Variants in CNBD1 observed in about 807,000 individuals in gnomAD.
The protein encoded by CNBD1 is cyclic nucleotide-binding domain-containing protein 1.
A neutral mutation model predicts 54.4 loss-of-function variants in CNBD1; 71 were observed. The ratio of observed to expected loss-of-function variants is 1.30; its 90% CI spans 1.08 to 1.59. The LOEUF (loss-of-function observed/expected upper bound fraction) is 1.59. CNBD1 is among the 40% of genes most tolerant of loss of function. The pLI is 0.00. For missense variants in CNBD1, 659 were observed against 518.0 expected (o/e 1.27, Z -2.64); for synonymous variants, 182 against 170.7 (o/e 1.07, Z -0.51).
chr8:87,160,863 T>C (rs75328667), intron 4 of CNBD1, among the ~76,000 whole-genome samples: 2 of 152,094 alleles, frequency 1.3e-5, no homozygotes, highest in African/African-American at 2.4e-5. Flanking sequence ...TCTTTGATGA[T>C]TGGCTATGTA....
chr8:87,107,322 G>A (rs965728724), intron 4 of CNBD1, among the ~76,000 whole-genome samples: 2 of 152,082 alleles, frequency 1.3e-5, no homozygotes, highest in Non-Finnish European at 2.9e-5. Context: ...CACTTGCTCC[G>A]TAGGTTCTAG....
At chr8:87,117,181 G>A (rs1298336492) in intron 4 of CNBD1, among the ~76,000 whole-genome samples, 1 of 151,976 alleles carries the variant, frequency 6.6e-6, no homozygotes, top group African/African-American at 2.4e-5. Flanking sequence ...GGTGGATCAC[G>A]AAGTCAGGAG....
chr8:86,950,410 T>C (rs1807588455), intron 4 of CNBD1, among the ~76,000 whole-genome samples: 1 of 152,130 alleles, frequency 6.6e-6, no homozygotes, highest in Non-Finnish European at 1.5e-5. Context: ...ATTATATGAT[T>C]TTTGCCCTTC....
intron 4 of CNBD1, among the ~76,000 whole-genome samples, chr8:87,026,646 TTTC>T (rs1382785047): frequency 6.6e-6 from 1 of 152,154 alleles, no homozygotes; most frequent in African/African-American, 2.4e-5. Flanking sequence ...CTAAAAAAAT[TTTC>T]TTTTCTTTAT....
At chr8:86,901,938 G>T (rs989773172) in intron 2 of CNBD1, among the ~76,000 whole-genome samples, 6 of 152,088 alleles carry the variant, frequency 3.9e-5, no homozygotes, top group African/African-American at 9.7e-5. Context: ...TTCTCTAATA[G>T]ATTTTGCCTC....
chr8:87,155,833 G>T (rs147385289), intron 4 of CNBD1, among the ~76,000 whole-genome samples: 329 of 152,258 alleles, frequency 2.2e-3, no homozygotes, highest in African/African-American at 7.4e-3. Context: ...TGTGGAACAA[G>T]AATACTACCC....
intron 8 of CNBD1, among the ~76,000 whole-genome samples, chr8:87,339,821 T>G (rs2130917989): frequency 6.6e-6 from 1 of 152,282 alleles, no homozygotes; most frequent in East Asian, 1.9e-4. Context: ...CTTCTCACAT[T>G]TATGTTACTG....
chr8:87,233,696 C>T (rs1047699625), intron 5 of CNBD1, among the ~76,000 whole-genome samples: 1 of 151,922 alleles, frequency 6.6e-6, no homozygotes, highest in African/African-American at 2.4e-5. Context: ...ACTTGAACTC[C>T]GGGGCTCAAG....
chr8:87,117,234 T>TA (rs1437739913), intron 4 of CNBD1, among the ~76,000 whole-genome samples: 1 of 151,520 alleles, frequency 6.6e-6, no homozygotes, highest in Admixed American at 6.6e-5. Flanking sequence ...TCATCTCTAC[T>TA]AAAAAAATGC....
chr8:87,087,222 T>TACAC (rs1005173575), intron 4 of CNBD1, among the ~76,000 whole-genome samples: 2 of 146,070 alleles, frequency 1.4e-5, no homozygotes, highest in Non-Finnish European at 3.0e-5. Flanking sequence ...GTATCTATTC[T>TACAC]ACACACACAC....
In CNBD1 at chr8:87,042,852, G is replaced by A. The variant is rs1170891825; in HGVS notation, c.431+103098G>A. On this transcript the variant is annotated intron_variant, in intron 4 of 10. Transcript: ENST00000518476. ...ATATTTTTATAAATTCCTCTAAATT[G>A]TATAGATATAATTTTAATCTTAGAA... Among the ~76,000 whole-genome samples, 4 of 151,876 alleles carry A rather than the reference G, an allele frequency of 2.6e-5. No homozygotes were observed. The South Asian group carries it at 6.2e-4, about 24-fold the overall frequency.
At chr8:86,887,505 G>A in intron 1 of CNBD1, 37 bp from the exon 2 acceptor site, 1 of 1,324,516 alleles carries the variant, frequency 7.5e-7, no homozygotes, top group Non-Finnish European at 1.1e-6. Context: ...ATAAGATTAT[G>A]GAAAATTACT....
At chr8:87,079,251 G>A (rs763774908) in intron 4 of CNBD1, among the ~76,000 whole-genome samples, 3 of 151,558 alleles carry the variant, frequency 2.0e-5, no homozygotes, top group African/African-American at 7.3e-5. Context: ...TTCATTCATT[G>A]TGCATTTGGG....
chr8:87,406,482 T>TAC (rs1563589764), intron 2 of CNBD1, among the ~76,000 whole-genome samples: 88 of 143,024 alleles, frequency 6.2e-4, no homozygotes, highest in African/African-American at 2.3e-3. Flanking sequence ...ACACACACTT[T>TAC]TTTTTTTTTT....
At chr8:87,013,974 TAAAAAAAAAAG>T (rs994934485) in intron 4 of CNBD1, among the ~76,000 whole-genome samples, 3 of 144,476 alleles carry the variant, frequency 2.1e-5, no homozygotes, top group Non-Finnish European at 3.0e-5. Flanking sequence ...AAGTCTAAAA[TAAAAAAAAAAG>T]GAAAACAAAA....
intron 6 of CNBD1, among the ~76,000 whole-genome samples, chr8:87,263,225 T>G (rs1196249122): frequency 6.6e-6 from 1 of 152,188 alleles, no homozygotes; most frequent in Non-Finnish European, 1.5e-5. Context: ...TGACTACAAT[T>G]TATTTCTCCT....
intron 6 of CNBD1, among the ~76,000 whole-genome samples, chr8:87,257,072 T>C (rs944748675): frequency 6.6e-5 from 10 of 151,990 alleles, no homozygotes; most frequent in African/African-American, 2.2e-4. Flanking sequence ...AAAACATTCA[T>C]TGAAAATGAC....
rs367643738 is a variant in CNBD1, at chr8:87,380,029, A to T, written c.1304-2591A>T. On this transcript the variant is annotated intron_variant, in intron 10 of 10. Coordinates refer to ENST00000518476, the MANE Select transcript of CNBD1 (RefSeq NM_173538.3). ...CCACTGGTGCCACTTGGGAGGTTTTAGATAATGCAAGACAATAATATAAAC... is the reference window on the plus strand; with the variant it reads ...CCACTGGTGCCACTTGGGAGGTTTTTGATAATGCAAGACAATAATATAAAC... Among the ~76,000 whole-genome samples the T allele has an allele frequency of 8.1e-3, 1,225 of 152,028 alleles. 6 individuals carry two copies. The highest frequency in any genetic ancestry group is 0.028 in the African/African-American group (1,156 of 41,514).
At chr8:86,988,068 G>A (rs1445848458) in intron 4 of CNBD1, among the ~76,000 whole-genome samples, 1 of 151,054 alleles carries the variant, frequency 6.6e-6, no homozygotes, top group African/African-American at 2.4e-5. Context: ...AGGAGGATTG[G>A]TACCATTTCT....
Sources: allele counts gnomAD v4.1 joint callset (sites outside exome capture counted in the v4.1 genomes callset), GRCh38; gene constraint gnomAD v4.1.1; transcripts MANE v1.5; gene names NCBI Gene and HGNC (gene_info 2026-07-23, HGNC 2026-07-21).